Variants in L2HGDH observed in about 807,000 individuals in gnomAD.
L2HGDH encodes L-2-hydroxyglutarate dehydrogenase, mitochondrial.
L2HGDH carries 34 observed loss-of-function variants against 51.5 expected under a neutral mutation model. That is an observed-to-expected ratio of 0.66 (90% CI 0.50 to 0.88). L2HGDH has a LOEUF of 0.88. Ranked by LOEUF, L2HGDH falls within the 40% of genes least tolerant of loss-of-function variation. The pLI is 0.00. For missense variants in L2HGDH, 558 were observed against 571.9 expected, an observed-to-expected ratio of 0.98 and a Z score of 0.25; for synonymous variants, 198 against 197.9, an observed-to-expected ratio of 1.00 and a Z score of -0.01.
intron 4 of L2HGDH, among the ~76,000 whole-genome samples, chr14:50,286,312 G>C (rs1214989729): frequency 6.6e-6 from 1 of 152,058 alleles, no homozygotes; most frequent in Non-Finnish European, 1.5e-5. Context: ...GGCTACTCTG[G>C]GCATACCGCT....
chr14:50,245,369 C>A lies in L2HGDH; in HGVS notation c.*1689G>T. On this transcript the variant is annotated 3_prime_UTR_variant, in exon 10 of 10. Transcript: ENST00000267436. Reference sequence around the variant, plus strand: ...GTCTCTTCTAAGTTATTTCAGTTCTCAGCCACAGAGATTGAAGAACAGGAC... The same window carrying A: ...GTCTCTTCTAAGTTATTTCAGTTCTAAGCCACAGAGATTGAAGAACAGGAC... The A allele has an allele frequency of 1.0e-6, 1 of 985,388 alleles. No homozygotes were observed. Among genetic ancestry groups the A allele is most frequent in the Non-Finnish European group, 1.2e-6 (1 of 829,920 alleles). 61.0% of individuals were successfully genotyped at this position (985,388 alleles called of 1,614,324 possible). A position where few individuals can be genotyped will look rare whatever the true frequency, so the allele number is the denominator to read the frequency against.
chr14:50,255,100 A>G (rs1888581292), intron 9 of L2HGDH, among the ~76,000 whole-genome samples: 1 of 152,104 alleles, frequency 6.6e-6, no homozygotes, highest in African/African-American at 2.4e-5. Flanking sequence ...ATTTTAGTTC[A>G]AACAAGTTTT....
At chr14:50,263,293 A>C (rs1889141806) in intron 9 of L2HGDH, among the ~76,000 whole-genome samples, 1 of 152,354 alleles carries the variant, frequency 6.6e-6, no homozygotes, top group South Asian at 2.1e-4. Flanking sequence ...CTTACTTATA[A>C]GTGAGTGAAA....
chr14:50,293,486 C>T (rs767404281), intron 4 of L2HGDH, among the ~76,000 whole-genome samples: 17 of 151,886 alleles, frequency 1.1e-4, no homozygotes, highest in Non-Finnish European at 2.2e-4. Flanking sequence ...TCTTTGAATG[C>T]ATCCAGAAAA....
intron 1 of L2HGDH, among the ~76,000 whole-genome samples, chr14:50,307,017 C>T (rs1447903454): frequency 2.0e-5 from 3 of 152,030 alleles, no homozygotes; most frequent in East Asian, 1.9e-4. Context: ...GGTTTCACCA[C>T]GTTGGTCAGG....
At chr14:50,277,397 G>A (rs548538991) in intron 6 of L2HGDH, among the ~76,000 whole-genome samples, 2 of 152,188 alleles carry the variant, frequency 1.3e-5, no homozygotes, top group African/African-American at 4.8e-5. Context: ...AGTCCATTTG[G>A]TTAAGCTAGG....
intron 1 of L2HGDH, among the ~76,000 whole-genome samples, chr14:50,306,820 T>A (rs1188721400): frequency 1.4e-4 from 22 of 152,178 alleles, no homozygotes; most frequent in African/African-American, 4.6e-4. Context: ...AAAATTTTTT[T>A]TTAAAAAATT....
rs1011422801 is a variant in L2HGDH at position 50,243,213 on chromosome 14, C to G, written c.*3845G>C. The G allele has an allele frequency of 2.0e-6, 2 of 985,188 alleles. No individual in the cohort carries two copies. Among genetic ancestry groups the G allele is most frequent in the Admixed American group, 1.2e-4 (2 of 16,232 alleles). The allele number at this position is 985,188 out of a possible 1,614,324, so 61.0% of individuals were successfully genotyped here. ...ATGTATGGATAAAAGAGTTAAGCTA[C>G]GTAACATGAAACACCAAAAATATAC... On this transcript the variant is annotated 3_prime_UTR_variant, in exon 10 of 10. Transcript: ENST00000267436.
intron 9 of L2HGDH, among the ~76,000 whole-genome samples, chr14:50,249,252 C>T (rs1256312060): frequency 6.6e-6 from 1 of 152,192 alleles, no homozygotes; most frequent in African/African-American, 2.4e-5. Context: ...AGGACTCCAA[C>T]TCCTCAGCTA....
chr14:50,276,904 G>A (rs1890006502), intron 6 of L2HGDH, among the ~76,000 whole-genome samples: 1 of 152,204 alleles, frequency 6.6e-6, no homozygotes, highest in East Asian at 1.9e-4. Flanking sequence ...TTGTTTTGGA[G>A]GCCTATTCCC....
intron 4 of L2HGDH, among the ~76,000 whole-genome samples, chr14:50,288,362 A>C (rs1320386435): frequency 2.0e-5 from 3 of 152,216 alleles, no homozygotes; most frequent in African/African-American, 7.2e-5. Flanking sequence ...TCCTCACCAG[A>C]TGGAAACCAA....
chr14:50,258,379 C>CCT (rs1888801573), intron 9 of L2HGDH, among the ~76,000 whole-genome samples: 1 of 152,158 alleles, frequency 6.6e-6, no homozygotes, highest in South Asian at 2.1e-4. Flanking sequence ...CTACACCCAG[C>CCT]TAATTGTTTT....
chr14:50,243,602 G>T lies in L2HGDH; in HGVS notation c.*3456C>A. On this transcript the variant is annotated 3_prime_UTR_variant, in exon 10 of 10. Coordinates refer to ENST00000267436, the MANE Select transcript of L2HGDH (RefSeq NM_024884.3). ...ATACATATAAAACGTTTTACAAGCA[G>T]AATAACCTACATATTCAAAACACTT... The T allele has an allele frequency of 1.2e-6, 1 of 811,718 alleles. No homozygotes were observed. The allele number at this position is 811,718 out of a possible 1,614,324, so 50.3% of individuals were successfully genotyped here.
At chr14:50,298,398 C>T (rs1196317889) in intron 3 of L2HGDH, among the ~76,000 whole-genome samples, 4 of 151,968 alleles carry the variant, frequency 2.6e-5, no homozygotes, top group Admixed American at 2.0e-4. Flanking sequence ...TCACTACAAC[C>T]TCTGCCTCCC....
At chr14:50,270,916 T>C (rs1289348550) in intron 6 of L2HGDH, among the ~76,000 whole-genome samples, 1 of 152,230 alleles carries the variant, frequency 6.6e-6, no homozygotes, top group Admixed American at 6.5e-5. Context: ...ATACATGTCA[T>C]AGTTTTTACA....
chr14:50,273,292 T>A (rs1258092879), intron 6 of L2HGDH, among the ~76,000 whole-genome samples: 1 of 152,182 alleles, frequency 6.6e-6, no homozygotes. Context: ...TGGATGTTAG[T>A]TAGCCTCTTT....
chr14:50,248,268 C>G (rs1363484682), intron 9 of L2HGDH, among the ~76,000 whole-genome samples: 1 of 152,138 alleles, frequency 6.6e-6, no homozygotes, highest in East Asian at 1.9e-4. Flanking sequence ...GTGAAAAATT[C>G]TATCTTATAC....
chr14:50,290,547 T>C (rs1015689970), intron 4 of L2HGDH, among the ~76,000 whole-genome samples: 1 of 152,250 alleles, frequency 6.6e-6, no homozygotes, highest in African/African-American at 2.4e-5. Flanking sequence ...TCTAGGCTTA[T>C]GATCTCTGTT....
At chr14:50,306,049 CTT>C (rs34244656) in intron 1 of L2HGDH, among the ~76,000 whole-genome samples, 13,606 of 141,310 alleles carry the variant, frequency 0.096, 702 homozygotes, top group Non-Finnish European at 0.12. Context: ...TTTTGACTGA[CTT>C]TTTTTTTTTT....
Sources: allele counts gnomAD v4.1 joint callset (sites outside exome capture counted in the v4.1 genomes callset), GRCh38; gene constraint gnomAD v4.1.1; transcripts MANE v1.5; gene names NCBI Gene and HGNC (gene_info 2026-07-23, HGNC 2026-07-21).